KLK7: variants seen among roughly 807,000 people sequenced by gnomAD.
KLK7 encodes kallikrein related peptidase 7, also known as kallikrein-7.
A neutral mutation model predicts 21.0 loss-of-function variants in KLK7; 17 were observed. The ratio of observed to expected loss-of-function variants is 0.81; its 90% CI spans 0.55 to 1.21. KLK7 has a LOEUF of 1.21. Among genes scored for constraint, KLK7 ranks in the 50% most tolerant of loss-of-function variants. The pLI, the probability that KLK7 is intolerant of heterozygous loss-of-function variation, is 0.00. For missense variants in KLK7, 330 were observed against 322.8 expected, an observed-to-expected ratio of 1.02 and a Z score of -0.17; for synonymous variants, 151 against 134.6, an observed-to-expected ratio of 1.12 and a Z score of -0.85.
chr19:50,983,246 C>T (rs1480839612), intron 1 of KLK7, among the ~76,000 whole-genome samples: 2 of 42,946 alleles, frequency 4.7e-5, no homozygotes. Context: ...GGAGTCCAGG[C>T]CCCAGCCCCT....
At chr19:50,978,420 A>G (rs2091051934) in intron 5 of KLK7, among the ~76,000 whole-genome samples, 1 of 151,508 alleles carries the variant, frequency 6.6e-6, no homozygotes, top group African/African-American at 2.4e-5. Context: ...AGAAAGAGGG[A>G]AAGGAGAGAG....
chr19:50,978,730 C>T (rs1489744239), intron 5 of KLK7, among the ~76,000 whole-genome samples: 2 of 127,184 alleles, frequency 1.6e-5, no homozygotes, highest in Non-Finnish European at 3.2e-5. Context: ...GGGGGAGCGG[C>T]AGGGAGAGGA....
intron 1 of KLK7, among the ~76,000 whole-genome samples, chr19:50,982,810 C>G (rs1252128258): frequency 7.9e-6 from 1 of 127,340 alleles, no homozygotes; most frequent in Non-Finnish European, 1.7e-5. Flanking sequence ...GGAGTCCAGG[C>G]CCCCAGCTCC....
At chr19:50,980,530 CAGAG>C in intron 3 of KLK7, 43 bp from the exon 4 acceptor site, 15 of 1,609,968 alleles carry the variant, frequency 9.3e-6, no homozygotes, top group African/African-American at 1.3e-5. Flanking sequence ...GACACTGTGA[CAGAG>C]AGGGTGTGCA....
chr19:50,981,228 GA>G, intron 3 of KLK7, among the ~76,000 whole-genome samples: 1 of 146,996 alleles, frequency 6.8e-6, no homozygotes, highest in Non-Finnish European at 1.5e-5. Context: ...AGACCAGAGA[GA>G]GAGGGGGACA....
At chr19:50,983,070 G>A (rs867569041) in intron 1 of KLK7, among the ~76,000 whole-genome samples, 3,745 of 20,962 alleles carry the variant, frequency 0.18, 3 homozygotes, top group East Asian at 0.34. Flanking sequence ...CCAGGCCCCA[G>A]CCCCTCCTCC....
At chr19:50,978,633 G>T (rs1324678857) in intron 5 of KLK7, among the ~76,000 whole-genome samples, 1 of 132,718 alleles carries the variant, frequency 7.5e-6, no homozygotes, top group Non-Finnish European at 1.6e-5. Context: ...GGGAAGGTGT[G>T]GGGAGAGAGA....
chr19:50,983,928 T>C, upstream of KLK7: 1 of 1,288,790 alleles, frequency 7.8e-7, no homozygotes, highest in Non-Finnish European at 1.0e-6. Context: ...ATCCCTCTGC[T>C]GGGCCGTCCT....
intron 5 of KLK7, 24 bp downstream of exon 5, chr19:50,979,764 A>T: frequency 6.4e-7 from 1 of 1,557,922 alleles, no homozygotes; most frequent in Non-Finnish European, 8.7e-7. Context: ...AGGACTGGGG[A>T]GGAATTGGGG....
chr19:50,981,437 G>GGAGA (rs2091086783), intron 3 of KLK7, among the ~76,000 whole-genome samples: 2 of 115,844 alleles, frequency 1.7e-5, no homozygotes, highest in African/African-American at 3.3e-5. Context: ...TCCAGAGAGA[G>GGAGA]AGGGGGACAG....
rs749663401 is a variant in KLK7, at chr19:50,981,801, G to A, written c.187C>T (p.Arg63Cys). The A allele has an allele frequency of 8.2e-6, 13 of 1,592,000 alleles. No homozygotes were observed. The highest frequency in any genetic ancestry group is 1.7e-4 in the Middle Eastern group (1 of 6,038). ...LHCGGVLVNE[R>C]WVLTAAHCKM... Reference sequence around the variant, plus strand: ...CAGTGGGCGGCAGTGAGCACCCAGCGCTCATTGACCAGGACGCCTCCGCAG... The same window carrying A: ...CAGTGGGCGGCAGTGAGCACCCAGCACTCATTGACCAGGACGCCTCCGCAG... The change falls in exon 3 of 6, where the codon CGC becomes TGC. Residue 63 changes from arginine (R) to cysteine (C), a missense_variant. Arg to Cys is a radical substitution (Grantham distance 180, BLOSUM62 -3). Coordinates refer to ENST00000595820, the MANE Select transcript of KLK7 (RefSeq NM_005046.4).
chr19:50,982,992 G>GC (rs2091102330), intron 1 of KLK7, among the ~76,000 whole-genome samples: 3 of 19,748 alleles, frequency 1.5e-4, no homozygotes, highest in Admixed American at 7.6e-4. Flanking sequence ...AGGAGTCCAG[G>GC]TCCAAGTCCC....
intron 1 of KLK7, among the ~76,000 whole-genome samples, chr19:50,982,927 C>T (rs1214926560): frequency 1.0e-5 from 1 of 99,232 alleles, no homozygotes; most frequent in African/African-American, 3.5e-5. Context: ...GGCCCCCAGC[C>T]CCGCCTCCCT....
intron 4 of KLK7, 100 bp from the exon 5 acceptor site, chr19:50,980,024 G>C: frequency 6.9e-7 from 1 of 1,459,176 alleles, no homozygotes; most frequent in Non-Finnish European, 9.2e-7. Context: ...GGAGGGTCTG[G>C]GGCCCAGGAC....
At chr19:50,980,983 GGA>G (rs2091077173) in intron 3 of KLK7, among the ~76,000 whole-genome samples, 1 of 123,014 alleles carries the variant, frequency 8.1e-6, no homozygotes, top group Non-Finnish European at 1.7e-5. Context: ...AGAGAGCCAG[GGA>G]GAGAGGGGGA....
At chr19:50,978,685 G>A (rs1438976989) in intron 5 of KLK7, among the ~76,000 whole-genome samples, 3 of 146,470 alleles carry the variant, frequency 2.0e-5, no homozygotes, top group Non-Finnish European at 4.5e-5. Context: ...TGGAAGAGAG[G>A]AGGAGAATAA....
In KLK7 at chr19:50,981,823, G is replaced by A. The variant is rs370102489; in HGVS notation, c.165C>T (p.Cys55=). 7.2e-5 allele frequency: 115 copies of A among 1,605,274 alleles called. 1 individual carries two copies. Among genetic ancestry groups the A allele is most frequent in the Middle Eastern group, 1.6e-4 (1 of 6,066 alleles). Residue 55 remains cysteine, a synonymous_variant, in exon 3 of 6, where the codon TGC becomes TGT. Coordinates refer to ENST00000595820, the MANE Select transcript of KLK7 (RefSeq NM_005046.4). ...VALLSGNQLH[C]GGVLVNERWV... is the part of the protein sequence containing the mutation. ...AGCGCTCATTGACCAGGACGCCTCC[G>A]CAGTGGAGCTGATTGCCACTGAGCA...
chr19:50,982,445 T>G lies in KLK7; in HGVS notation c.-46A>C. ...AGGGGCTGCCAGGCGAGGAAGGGCC[T>G]CTCCTGCTGGAGCTGAGAAGGAGAA... On this transcript the variant is annotated 5_prime_UTR_variant, in exon 2 of 6. Coordinates refer to ENST00000595820, the MANE Select transcript of KLK7 (RefSeq NM_005046.4). 1 of 1,572,840 alleles carries G rather than the reference T, an allele frequency of 6.4e-7. No homozygotes were observed. The highest frequency in any genetic ancestry group is 2.3e-5 in the East Asian group (1 of 43,602).
chr19:50,982,038 G>T, intron 2 of KLK7, 124 bp from the exon 3 acceptor site: 1 of 1,094,054 alleles, frequency 9.1e-7, no homozygotes, highest in Non-Finnish European at 1.3e-6. Flanking sequence ...GAAATACAGA[G>T]AAAGCAAGAG....
Sources: allele counts gnomAD v4.1 joint callset (sites outside exome capture counted in the v4.1 genomes callset), GRCh38; gene constraint gnomAD v4.1.1; transcripts MANE v1.5; gene names NCBI Gene and HGNC (gene_info 2026-07-23, HGNC 2026-07-21).